SOX6: variants seen among roughly 807,000 people sequenced by gnomAD.
The protein encoded by SOX6 is SRY-box transcription factor 6.
In SOX6, 11 loss-of-function variants were observed where a neutral mutation model predicts 97.8. The ratio of observed to expected loss-of-function variants is 0.11; its 90% CI spans 0.07 to 0.19. SOX6 has a LOEUF of 0.19. Ranked by LOEUF, SOX6 falls within the 10% of genes least tolerant of loss-of-function variation. SOX6 has a pLI of 1.00. For missense variants in SOX6, 810 were observed against 1,039.5 expected (o/e 0.78, Z 3.04); for synonymous variants, 360 against 371.4 (o/e 0.97, Z 0.35).
intron 4 of SOX6, among the ~76,000 whole-genome samples, chr11:16,232,653 T>C (rs1489584921): frequency 2.0e-5 from 3 of 152,100 alleles, no homozygotes; most frequent in South Asian, 4.1e-4. Context: ...AATTATAACA[T>C]AATAAAATGT....
chr11:16,612,571 T>C (rs754761047), intron 3 of SOX6, among the ~76,000 whole-genome samples: 4 of 135,366 alleles, frequency 3.0e-5, no homozygotes, highest in Admixed American at 7.5e-5. Flanking sequence ...TTTAAACACA[T>C]TGAGGCGGGG....
At chr11:16,564,587 T>G (rs1847849140) in intron 4 of SOX6, among the ~76,000 whole-genome samples, 1 of 152,076 alleles carries the variant, frequency 6.6e-6, no homozygotes, top group Admixed American at 6.5e-5. Context: ...CAACAAATTT[T>G]TAAAAACTGA....
intron 2 of SOX6, among the ~76,000 whole-genome samples, chr11:16,324,215 T>A (rs1296060068): frequency 6.6e-6 from 1 of 151,676 alleles, no homozygotes; most frequent in East Asian, 1.9e-4. Context: ...ACAAAAAAAA[T>A]CAAACAGGCA....
chr11:16,075,701 T>C (rs1848337496), intron 9 of SOX6, among the ~76,000 whole-genome samples: 1 of 152,060 alleles, frequency 6.6e-6, no homozygotes, highest in African/African-American at 2.4e-5. Flanking sequence ...AAATACCTAA[T>C]GTAAATGATG....
At chr11:16,256,607 G>A (rs1009448718) in intron 3 of SOX6, among the ~76,000 whole-genome samples, 5 of 151,888 alleles carry the variant, frequency 3.3e-5, no homozygotes, top group African/African-American at 1.2e-4. Context: ...CACATGTAAT[G>A]GTGAGAAACT....
intron 2 of SOX6, among the ~76,000 whole-genome samples, chr11:16,325,883 T>C (rs955256270): frequency 3.9e-5 from 6 of 152,084 alleles, no homozygotes; most frequent in African/African-American, 1.4e-4. Flanking sequence ...TTACTTCCTT[T>C]TTGCCCTTCC....
intron 3 of SOX6, among the ~76,000 whole-genome samples, chr11:16,288,184 G>A (rs1181106650): frequency 6.6e-6 from 1 of 152,010 alleles, no homozygotes; most frequent in Non-Finnish European, 1.5e-5. Context: ...AAATAACCCC[G>A]ATTCAGAAGA....
chr11:16,568,849 C>T (rs1272592539), intron 4 of SOX6, among the ~76,000 whole-genome samples: 1 of 152,168 alleles, frequency 6.6e-6, no homozygotes, highest in Non-Finnish European at 1.5e-5. Flanking sequence ...CTCCCAAATG[C>T]ATCTTTCACT....
chr11:15,982,492 C>A (rs562037076), intron 15 of SOX6, among the ~76,000 whole-genome samples: 1 of 151,918 alleles, frequency 6.6e-6, no homozygotes, highest in South Asian at 2.1e-4. Flanking sequence ...GGTTCCAGGA[C>A]CCCCACAGAT....
rs568063531 is a variant in SOX6 at position 16,470,715 on chromosome 11, G to A, written c.-5+5600C>T. Among the ~76,000 whole-genome samples, 84 of 152,178 alleles carry A rather than the reference G, an allele frequency of 5.5e-4. 1 individual carries two copies. Among genetic ancestry groups the A allele is most frequent in the African/African-American group, 2.0e-3 (82 of 41,534 alleles). On this transcript the variant is annotated intron_variant, in intron 1 of 15. Transcript: ENST00000396356. Reference sequence around the variant, plus strand: ...AATTCTCTCTGAAAGAGGAAAGCACGGTGTTGTGAAAGGAGCACTAAATTT... The same window carrying A: ...AATTCTCTCTGAAAGAGGAAAGCACAGTGTTGTGAAAGGAGCACTAAATTT...
chr11:16,614,035 A>G (rs977829663), intron 3 of SOX6, among the ~76,000 whole-genome samples: 8 of 152,216 alleles, frequency 5.3e-5, no homozygotes, highest in Non-Finnish European at 1.2e-4. Context: ...CAACTAGCTG[A>G]AACCAATAGC....
intron 1 of SOX6, among the ~76,000 whole-genome samples, chr11:16,475,588 T>C (rs1027180548): frequency 1.3e-5 from 2 of 152,136 alleles, no homozygotes; most frequent in African/African-American, 2.4e-5. Context: ...TTTGGGCTTG[T>C]TTGGTGCGGC....
intron 15 of SOX6, among the ~76,000 whole-genome samples, chr11:15,985,900 A>G (rs66830472): frequency 0.46 from 69,150 of 151,938 alleles, 16,088 homozygotes; most frequent in East Asian, 0.64. Flanking sequence ...CTCCCTGTGT[A>G]TCTGCTTAAA....
intron 4 of SOX6, among the ~76,000 whole-genome samples, chr11:16,523,178 AT>A (rs148915096): frequency 0.28 from 42,274 of 151,534 alleles, 6,864 homozygotes; most frequent in East Asian, 0.48. Flanking sequence ...CAGAATATAC[AT>A]TTTTTTTCAG....
chr11:16,454,316 T>C (rs1859773738), intron 1 of SOX6, among the ~76,000 whole-genome samples: 1 of 152,096 alleles, frequency 6.6e-6, no homozygotes, highest in Non-Finnish European at 1.5e-5. Flanking sequence ...TAAAATTATA[T>C]GACACCTCAT....
intron 10 of SOX6, among the ~76,000 whole-genome samples, chr11:16,055,395 C>A (rs1485990220): frequency 6.6e-6 from 1 of 152,006 alleles, no homozygotes; most frequent in Non-Finnish European, 1.5e-5. Context: ...AAGTTAACTC[C>A]CTGCCTGTTT....
At chr11:16,083,784 C>G (rs893353777) in intron 9 of SOX6, among the ~76,000 whole-genome samples, 2 of 152,082 alleles carry the variant, frequency 1.3e-5, no homozygotes, top group African/African-American at 4.8e-5. Context: ...TTTTCACAAA[C>G]ATTTTCTTAT....
chr11:16,637,500 T>C (rs1257609332), intron 3 of SOX6, among the ~76,000 whole-genome samples: 1 of 152,238 alleles, frequency 6.6e-6, no homozygotes, highest in Non-Finnish European at 1.5e-5. Context: ...ATTACAGGCA[T>C]GAGCCACCAC....
In SOX6 at chr11:16,605,235, G is replaced by C. The variant is rs1415169225; in HGVS notation, n.609+6846C>G. 1.3e-5 allele frequency among the ~76,000 whole-genome samples: 2 copies of C among 152,020 alleles called. No individual in the cohort carries two copies. The highest frequency in any genetic ancestry group is 4.8e-5 in the African/African-American group (2 of 41,408). ...GAGGGCGCCGGCTGGGCTCAGGGAC[G>C]CGGGGCGGGGAAGAAACGTGCCGGC... On this transcript the variant is annotated intron_variant and non_coding_transcript_variant, in intron 4 of 5. Transcript: ENST00000524520. This position sits in a 1 kb window ranked among gnomAD's most constrained non-coding sequence, Gnocchi z 5.3.
Sources: gnomAD v4.1 joint callset for allele counts (sites outside exome capture counted in the v4.1 genomes callset) on GRCh38, gnomAD v4.1.1 for gene constraint, Gnocchi (gnomAD v3.1) non-coding constraint, MANE v1.5 for transcripts, NCBI Gene and HGNC (gene_info 2026-07-23, HGNC 2026-07-21) for gene names.